Variants in OR8B8 observed in about 807,000 individuals in gnomAD.
OR8B8 encodes olfactory receptor family 8 subfamily B member 8.
Under a neutral mutation model 10.5 loss-of-function variants are expected in OR8B8, and 8 were observed. The ratio of observed to expected loss-of-function variants is 0.76; its 90% CI spans 0.45 to 1.38. The LOEUF is 1.38. Ranked by LOEUF, OR8B8 falls within the 40% of genes most tolerant of loss-of-function variation. The pLI, the probability that OR8B8 is intolerant of heterozygous loss-of-function variation, is 0.00. For synonymous variants in OR8B8, 150 were observed against 145.2 expected (o/e 1.03, Z -0.24); for missense variants, 390 against 380.5 (o/e 1.03, Z -0.21).
intron 1 of OR8B8, among the ~76,000 whole-genome samples, chr11:124,445,128 C>T (rs2134240833): frequency 6.6e-6 from 1 of 152,294 alleles, no homozygotes; most frequent in Non-Finnish European, 1.5e-5. Context: ...ATACCCATCT[C>T]TAGTCTCCTA....
At chr11:124,442,339 C>A (rs551086436) in intron 1 of OR8B8, among the ~76,000 whole-genome samples, 1 of 152,158 alleles carries the variant, frequency 6.6e-6, no homozygotes, top group Non-Finnish European at 1.5e-5. Context: ...AAGACTCTGA[C>A]CATGTCTTGA....
rs747223186 is a variant in OR8B8, at chr11:124,440,908, A to G, written c.178T>C (p.Tyr60His). The G allele has an allele frequency of 1.9e-6, 3 of 1,614,176 alleles. No homozygotes were observed. Among genetic ancestry groups the G allele is most frequent in the Non-Finnish European group, 2.5e-6 (3 of 1,180,026 alleles). Residue 60 changes from tyrosine to histidine, a missense_variant, in exon 3 of 3, where the codon TAC (tyrosine) becomes CAC (histidine). Coordinates refer to ENST00000642064, the MANE Select transcript of OR8B8 (RefSeq NM_012378.2). ...AAGGACAAGTTATAGAGGAAGAAGT[A>G]CATAGGGGTGTGCAAGTGAGAGTTG... ...RLNSHLHTPM[Y>H]FFLYNLSFID...
At position 124,439,435 on chromosome 11, in the gene OR8B8, G is replaced by A. The variant is rs566750291; in HGVS notation, c.*715C>T. The A allele has an allele frequency of 6.6e-6, 1 of 152,320 alleles. No individual in the cohort carries two copies. Among genetic ancestry groups the A allele is most frequent in the South Asian group, 2.1e-4 (1 of 4,830 alleles). The allele number at this position is 152,320 out of a possible 1,614,324, so 9.4% of individuals were successfully genotyped here. On this transcript the variant is annotated 3_prime_UTR_variant, in exon 3 of 3. Coordinates refer to ENST00000642064, the MANE Select transcript of OR8B8 (RefSeq NM_012378.2). ...TTTGAAAACAGGGCAATGATTGTAT[G>A]TGATTGCATGTGAAATAATTCCCAA...
At position 124,438,446 on chromosome 11, in the gene OR8B8, A is replaced by C; in HGVS notation, c.*1704T>G. 1 of 152,360 alleles carries C rather than the reference A, an allele frequency of 6.6e-6. No homozygotes were observed. The allele number at this position is 152,360 out of a possible 1,614,324, so 9.4% of individuals were successfully genotyped here. ...CCTAAAGAGAGACTCGTAAGTCAAC[A>C]CATTTTCACAGCATTTCACATATCA... is the stretch of plus-strand genomic sequence containing the variant. On this transcript the variant is annotated 3_prime_UTR_variant, in exon 3 of 3. Transcript: ENST00000642064.
chr11:124,441,860 A>G (rs1861479219), intron 1 of OR8B8, among the ~76,000 whole-genome samples: 1 of 152,212 alleles, frequency 6.6e-6, no homozygotes, highest in Non-Finnish European at 1.5e-5. Flanking sequence ...TGGGGAACTG[A>G]TTAGAAGTAG....
intron 1 of OR8B8, among the ~76,000 whole-genome samples, chr11:124,443,414 A>G (rs577525310): frequency 3.9e-5 from 6 of 152,284 alleles, no homozygotes; most frequent in Non-Finnish European, 5.9e-5. Context: ...AGGGAGGCCA[A>G]TTAGTCTATT....
rs66912990 is a variant in OR8B8 at position 124,437,626 on chromosome 11, TTGTGTGTGTGTG to T, written c.*2512_*2523del. On this transcript the variant is annotated 3_prime_UTR_variant, in exon 3 of 3. Coordinates refer to ENST00000642064, the MANE Select transcript of OR8B8 (RefSeq NM_012378.2). ...AGGTGGGGGAGGTCTCTCTCAGACTTTGTGTGTGTGTGTGTGTGTGTGTGTGTGTGTGTGTGT... is the reference window on the plus strand; with the variant it reads ...AGGTGGGGGAGGTCTCTCTCAGACTTTGTGTGTGTGTGTGTGTGTGTGTGT... 7.7e-3 allele frequency: 1,110 copies of T among 143,990 alleles called. 9 individuals are homozygous for T. Among genetic ancestry groups the T allele is most frequent in the South Asian group, 0.017 (71 of 4,226 alleles). The allele number at this position is 143,990 out of a possible 1,614,324, so 8.9% of individuals were successfully genotyped here. A position where few individuals can be genotyped will look rare whatever the true frequency, so the allele number is the denominator to read the frequency against.
In OR8B8 at chr11:124,438,856, C is replaced by A. The variant is rs570212272; in HGVS notation, c.*1294G>T. 1.3e-5 allele frequency: 2 copies of A among 152,332 alleles called. No individual in the cohort carries two copies. Among genetic ancestry groups the A allele is most frequent in the South Asian group, 2.1e-4 (1 of 4,826 alleles). The allele number at this position is 152,332 out of a possible 1,614,324, so 9.4% of individuals were successfully genotyped here. The stretch of plus-strand genomic sequence containing the variant: ...TTCAGTTACTGCCACTGTTGCCCAG[C>A]TAGGAGGAAGTCAGGGAAATAAATA... On this transcript the variant is annotated 3_prime_UTR_variant, in exon 3 of 3. Transcript: ENST00000642064.
intron 2 of OR8B8, 106 bp from the exon 3 acceptor site, chr11:124,441,207 T>C: frequency 1.3e-6 from 1 of 767,616 alleles, no homozygotes; most frequent in Non-Finnish European, 2.0e-6. Flanking sequence ...CAGAGAGATT[T>C]TGAACTTCAG....
At chr11:124,443,687 C>G (rs955870195) in intron 1 of OR8B8, among the ~76,000 whole-genome samples, 1 of 152,170 alleles carries the variant, frequency 6.6e-6, no homozygotes, top group African/African-American at 2.4e-5. Flanking sequence ...GTTCAGGTCC[C>G]ATCACCAAGC....
At chr11:124,444,703 G>A (rs1288346770) in intron 1 of OR8B8, among the ~76,000 whole-genome samples, 2 of 152,162 alleles carry the variant, frequency 1.3e-5, no homozygotes, top group East Asian at 3.9e-4. Flanking sequence ...CATGAAAGTG[G>A]AAGAGCCGAG....
intron 1 of OR8B8, among the ~76,000 whole-genome samples, chr11:124,444,586 A>G (rs143794831): frequency 1.5e-4 from 23 of 152,288 alleles, no homozygotes; most frequent in Admixed American, 1.2e-3. Context: ...TTTGAATCAT[A>G]TAGCTCACAA....
Position 124,440,295 on chromosome 11 carries a change from G to T in OR8B8, c.791C>A (p.Ser264Tyr). The change falls in exon 3 of 3, where the codon TCT becomes TAT. Residue 264 changes from serine (S) to tyrosine (Y), a missense_variant. Ser to Tyr is a moderately radical substitution (Grantham distance 144). Transcript: ENST00000642064. ...SGAFMYLKPF[S>Y]LLAMNQGKVS... ...CTTGCCCTGGTTCATAGCTAAAAGA[G>T]AAAAGGGTTTGAGGTACATGAATGC... The T allele has an allele frequency of 1.2e-6, 2 of 1,614,182 alleles. No homozygotes were observed. The highest frequency in any genetic ancestry group is 1.6e-4 in the Middle Eastern group (1 of 6,062).
chr11:124,440,269 C>T lies in OR8B8; in HGVS notation c.817G>A (p.Val273Met). Residue 273 changes from valine to methionine, a missense_variant, in exon 3 of 3, where the codon GTG (valine) becomes ATG (methionine). Transcript: ENST00000642064. ...FSLLAMNQGK[V>M]SSLFYTTVVP... ...ACAGTGGTATAGAATAGGGAAGACA[C>T]CTTGCCCTGGTTCATAGCTAAAAGA... 4.3e-6 allele frequency: 7 copies of T among 1,614,136 alleles called. No individual in the cohort carries two copies. Among genetic ancestry groups the T allele is most frequent in the African/African-American group, 1.3e-5 (1 of 75,030 alleles).
chr11:124,442,943 G>T lies in OR8B8; in HGVS notation c.-152-1320C>A, dbSNP rs570477345. Among the ~76,000 whole-genome samples the T allele has an allele frequency of 6.0e-5, 4 of 66,586 alleles. No individual in the cohort carries two copies. The South Asian group carries it at 1.3e-3, about 22-fold the overall frequency. 43.7% of individuals were successfully genotyped at this position (66,586 alleles called of 152,430 possible). A position where few individuals can be genotyped will look rare whatever the true frequency, so the allele number is the denominator to read the frequency against. ...TAACTATATGCTTATTAAAAGTACA[G>T]ATCCTGCTGCCCCAAGCCAGGCATC... On this transcript the variant is annotated intron_variant, in intron 1 of 2. Transcript: ENST00000642064.
rs764175638 is a variant in OR8B8 at position 124,440,242 on chromosome 11, C to T, written c.844G>A (p.Val282Met). The change falls in exon 3 of 3, where the codon GTG becomes ATG. Residue 282 changes from valine to methionine, a missense_variant. Transcript: ENST00000642064. ...KVSSLFYTTV[V>M]PMLNPLIYSL... ...TAAATTAATGGGTTGAGCATGGGCA[C>T]CACAGTGGTATAGAATAGGGAAGAC... 1 of 1,613,954 alleles carries T rather than the reference C, an allele frequency of 6.2e-7. No individual in the cohort carries two copies. The highest frequency in any genetic ancestry group is 1.3e-5 in the African/African-American group (1 of 74,884).
chr11:124,441,435 G>C, intron 2 of OR8B8, 53 bp downstream of exon 2: 1 of 293,012 alleles, frequency 3.4e-6, no homozygotes, highest in Non-Finnish European at 6.5e-6. Context: ...TTAGGGTTAG[G>C]GTCATCCTGG....
At position 124,440,580 on chromosome 11, in the gene OR8B8, C is replaced by T; in HGVS notation, c.506G>A (p.Cys169Tyr). 6.2e-7 allele frequency: 1 copy of T among 1,614,214 alleles called. No homozygotes were observed. The highest frequency in any genetic ancestry group is 1.1e-5 in the South Asian group (1 of 91,074). Residue 169 changes from cysteine to tyrosine, a missense_variant, in exon 3 of 3, where the codon TGT (cysteine) becomes TAT (tyrosine). By Grantham distance (194) the Cys-to-Tyr change is radical. Transcript: ENST00000642064. ...GTAGTGGTTGACAAGGTTATTGGCA[C>T]AGAAGGTCACACCCATCATGCACGC... is the stretch of plus-strand genomic sequence containing the variant. ...HTACMMGVTF[C>Y]ANNLVNHYMC... is the part of the protein sequence containing the mutation.
In OR8B8 at chr11:124,445,696, C is replaced by T. The variant is rs769139699; in HGVS notation, c.-273G>A. 2 of 152,176 alleles carry T rather than the reference C, an allele frequency of 1.3e-5. No homozygotes were observed. Among genetic ancestry groups the T allele is most frequent in the Non-Finnish European group, 2.9e-5 (2 of 68,036 alleles). 9.4% of individuals were successfully genotyped at this position (152,176 alleles called of 1,614,324 possible). On this transcript the variant is annotated 5_prime_UTR_variant, in exon 1 of 3. Transcript: ENST00000642064. ...CACTCCCTCAGTGATTATGAGAAAC[C>T]TCAATCCTTGCTCTCATTCCCACTG...
Sources: gnomAD v4.1 joint callset for allele counts (sites outside exome capture counted in the v4.1 genomes callset) on GRCh38, gnomAD v4.1.1 for gene constraint, MANE v1.5 for transcripts, NCBI Gene and HGNC (gene_info 2026-07-23, HGNC 2026-07-21) for gene names.